Variants in MCUR1 observed in about 807,000 individuals in gnomAD.
MCUR1 encodes the protein MCU regulator 1.
MCUR1 carries 37 observed loss-of-function variants against 42.0 expected under a neutral mutation model. The observed-to-expected ratio is 0.88, with a 90% CI of 0.68 to 1.16. MCUR1 has a LOEUF of 1.16. Ranked by LOEUF, MCUR1 falls within the 50% of genes most tolerant of loss-of-function variation. MCUR1 has a pLI of 0.00. For missense variants in MCUR1, 469 were observed against 468.4 expected, an observed-to-expected ratio of 1.00 and a Z score of -0.01; for synonymous variants, 229 against 196.2, an observed-to-expected ratio of 1.17 and a Z score of -1.40.
intron 2 of MCUR1, among the ~76,000 whole-genome samples, chr6:13,804,602 G>A (rs914662830): frequency 2.0e-5 from 3 of 151,378 alleles, no homozygotes; most frequent in Admixed American, 6.6e-5. Context: ...GTGAAACCCC[G>A]TCTCTACTAA....
At chr6:13,805,787 T>C (rs936489914) in intron 2 of MCUR1, among the ~76,000 whole-genome samples, 1 of 152,254 alleles carries the variant, frequency 6.6e-6, no homozygotes, top group African/African-American at 2.4e-5. Flanking sequence ...TTCTGATTTT[T>C]GAGAATGTGT....
intron 1 of MCUR1, among the ~76,000 whole-genome samples, chr6:13,809,257 T>C (rs1760178705): frequency 6.6e-6 from 1 of 152,222 alleles, no homozygotes; most frequent in Non-Finnish European, 1.5e-5. Flanking sequence ...TTTCCATTTA[T>C]TTAGGAACAT....
chr6:13,794,771 C>T (rs972431885), intron 6 of MCUR1, among the ~76,000 whole-genome samples: 1 of 151,940 alleles, frequency 6.6e-6, no homozygotes, highest in Non-Finnish European at 1.5e-5. Flanking sequence ...CTGCCTTAGC[C>T]TCCTGCACAT....
At chr6:13,801,242 T>C in intron 4 of MCUR1, 46 bp downstream of exon 4, 1 of 1,237,232 alleles carries the variant, frequency 8.1e-7, no homozygotes, top group Admixed American at 1.8e-5. Context: ...TTTATCTCAA[T>C]GTCTTAATAT....
At chr6:13,811,024 C>T (rs1760221718) in intron 1 of MCUR1, among the ~76,000 whole-genome samples, 1 of 152,206 alleles carries the variant, frequency 6.6e-6, no homozygotes, top group Non-Finnish European at 1.5e-5. Flanking sequence ...CTTTCCCAAT[C>T]GTTAAACTTT....
intron 2 of MCUR1, among the ~76,000 whole-genome samples, 167 bp from the exon 3 acceptor site, chr6:13,802,513 A>G (rs1318703234): frequency 6.6e-6 from 1 of 152,190 alleles, no homozygotes; most frequent in Non-Finnish European, 1.5e-5. Context: ...GGTCACTCAG[A>G]GCAAGCACGA....
At position 13,814,303 on chromosome 6, in the gene MCUR1, A is replaced by C. The variant is rs1434303141; in HGVS notation, c.127T>G (p.Ser43Ala). Residue 43 changes from serine to alanine, a missense_variant, in exon 1 of 9, where the codon TCT becomes GCT. Ser to Ala is a moderately conservative substitution (Grantham distance 99). Coordinates refer to ENST00000379170, the MANE Select transcript of MCUR1 (RefSeq NM_001031713.4). ...GSETSARRCL[S>A]ALSDGLGALR... ...GCCCCCAGACCGTCGGAGAGCGCAG[A>C]GAGGCAGCGGCGTGCTGAGGTTTCG... The C allele has an allele frequency of 6.6e-7, 1 of 1,503,974 alleles. No homozygotes were observed. Among genetic ancestry groups the C allele is most frequent in the Admixed American group, 2.1e-5 (1 of 48,120 alleles). The allele number at this position is 1,503,974 out of a possible 1,614,324, so 93.2% of individuals were successfully genotyped here.
At chr6:13,810,002 C>T (rs550783471) in intron 1 of MCUR1, among the ~76,000 whole-genome samples, 19 of 152,062 alleles carry the variant, frequency 1.2e-4, no homozygotes, top group African/African-American at 3.9e-4. Context: ...CAGGCATTCA[C>T]GATCAGCCTG....
intron 1 of MCUR1, among the ~76,000 whole-genome samples, chr6:13,809,460 C>A (rs566065672): frequency 1.3e-5 from 2 of 152,154 alleles, no homozygotes; most frequent in East Asian, 3.9e-4. Flanking sequence ...TTTACATTAC[C>A]TTTTCTATAA....
At chr6:13,807,359 G>A (rs1228104688) in intron 1 of MCUR1, among the ~76,000 whole-genome samples, 1 of 151,994 alleles carries the variant, frequency 6.6e-6, no homozygotes, top group Non-Finnish European at 1.5e-5. Flanking sequence ...TGGTCTATTT[G>A]CTGTCTCTTT....
At chr6:13,809,755 G>A (rs1381693119) in intron 1 of MCUR1, among the ~76,000 whole-genome samples, 1 of 151,748 alleles carries the variant, frequency 6.6e-6, no homozygotes, top group East Asian at 1.9e-4. Context: ...TTAGCCGAGT[G>A]TGGTGGTGTG....
Position 13,814,322 on chromosome 6 carries a change from G to T in MCUR1, c.108C>A (p.Thr36=). The change falls in exon 1 of 9, where the codon ACC becomes ACA. Residue 36 remains threonine, a synonymous_variant. Transcript: ENST00000379170. ...GLSGRPGGSE[T]SARRCLSALS... The stretch of plus-strand genomic sequence containing the variant: ...GCGCAGAGAGGCAGCGGCGTGCTGA[G>T]GTTTCGCTGCCGCCCGGTCTTCCGC... The T allele has an allele frequency of 6.6e-7, 1 of 1,507,338 alleles. No homozygotes were observed. 93.4% of individuals were successfully genotyped at this position (1,507,338 alleles called of 1,614,324 possible).
At chr6:13,791,526 T>C (rs1321565768) in intron 8 of MCUR1, among the ~76,000 whole-genome samples, 2 of 152,132 alleles carry the variant, frequency 1.3e-5, no homozygotes, top group East Asian at 3.9e-4. Context: ...GTTTAAGCAA[T>C]TGAAGCAGAA....
At chr6:13,800,844 C>A (rs1759974348) in intron 4 of MCUR1, among the ~76,000 whole-genome samples, 1 of 152,184 alleles carries the variant, frequency 6.6e-6, no homozygotes, top group African/African-American at 2.4e-5. Flanking sequence ...TATTTAAATG[C>A]TGATCCCATA....
chr6:13,803,138 A>G (rs1321828723), intron 2 of MCUR1, among the ~76,000 whole-genome samples: 2 of 152,028 alleles, frequency 1.3e-5, no homozygotes, highest in Admixed American at 6.6e-5. Context: ...CTCAGCTCAC[A>G]GCAACCTCCA....
chr6:13,793,213 C>A (rs188150551), intron 7 of MCUR1, among the ~76,000 whole-genome samples: 37 of 151,232 alleles, frequency 2.4e-4, no homozygotes, highest in Middle Eastern at 3.4e-3. Context: ...TCTTCCATTA[C>A]GATAACCAAA....
intron 3 of MCUR1, 36 bp from the exon 4 acceptor site, chr6:13,801,425 AC>A (rs1759986684): frequency 4.1e-6 from 6 of 1,473,626 alleles, no homozygotes; most frequent in Non-Finnish European, 5.6e-6. Context: ...AATCTAGTCT[AC>A]CCTAAAAAGT....
chr6:13,798,541 C>T (rs767971915), intron 6 of MCUR1, among the ~76,000 whole-genome samples: 1 of 152,060 alleles, frequency 6.6e-6, no homozygotes, highest in Non-Finnish European at 1.5e-5. Flanking sequence ...TTAAATAGAT[C>T]AAGATTGCAT....
rs372323412 is a variant in MCUR1 at position 13,806,980 on chromosome 6, C to A, written c.480G>T (p.Gly160=). The A allele has an allele frequency of 2.5e-6, 4 of 1,613,526 alleles. No individual in the cohort carries two copies. The highest frequency in any genetic ancestry group is 1.6e-4 in the Middle Eastern group (1 of 6,082). ...GAGTGTCGAAGTAGAGTTTCCTGCT[C>A]CCAGAAGAGGTGAAATCTCTCCTTT... is the stretch of plus-strand genomic sequence containing the variant. ...ERKRRDFTSS[G]SRKLYFDTHA... is the part of the protein sequence containing the mutation. Residue 160 remains glycine (G), a synonymous_variant, in exon 2 of 9, where the codon GGG becomes GGT. Coordinates refer to ENST00000379170, the MANE Select transcript of MCUR1 (RefSeq NM_001031713.4).
Sources: gnomAD v4.1 joint callset for allele counts (sites outside exome capture counted in the v4.1 genomes callset) on GRCh38, gnomAD v4.1.1 for gene constraint, MANE v1.5 for transcripts, NCBI Gene and HGNC (gene_info 2026-07-23, HGNC 2026-07-21) for gene names.